Variants in WWOX observed in about 807,000 individuals in gnomAD.
WWOX encodes the protein WW domain-containing oxidoreductase.
Under a neutral mutation model 46.2 loss-of-function variants are expected in WWOX, and 69 were observed. The ratio of observed to expected loss-of-function variants is 1.49; its 90% CI spans 1.23 to 1.82. The LOEUF is 1.82. Among genes scored for constraint, WWOX ranks in the 40% most tolerant of loss-of-function variants. The pLI is 0.00. For missense variants in WWOX, 919 were observed against 542.6 expected (o/e 1.69, Z -6.89); for synonymous variants, 359 against 202.6 (o/e 1.77, Z -6.56).
intron 8 of WWOX, among the ~76,000 whole-genome samples, chr16:78,640,123 G>C (rs1201924235): frequency 6.6e-6 from 1 of 151,604 alleles, no homozygotes; most frequent in East Asian, 1.9e-4. Context: ...AGAAGAAATG[G>C]ATCTTCAGGT....
At chr16:78,730,617 ATTTTTTT>A (rs536906826) in intron 8 of WWOX, among the ~76,000 whole-genome samples, 2 of 123,062 alleles carry the variant, frequency 1.6e-5, no homozygotes, top group Admixed American at 9.5e-5. Flanking sequence ...ACGCCCGGCA[ATTTTTTT>A]TTTTTTTTTT....
At chr16:78,453,098 G>C (rs1328183081) in intron 8 of WWOX, among the ~76,000 whole-genome samples, 10 of 151,950 alleles carry the variant, frequency 6.6e-5, no homozygotes, top group African/African-American at 2.2e-4. Flanking sequence ...CCAGGCTGCA[G>C]CTATTTATAT....
intron 8 of WWOX, among the ~76,000 whole-genome samples, chr16:78,742,027 A>G (rs138962654): frequency 5.1e-4 from 78 of 152,176 alleles, no homozygotes; most frequent in African/African-American, 1.7e-3. Flanking sequence ...TACGATGTCT[A>G]TGTATAGTTT....
intron 5 of WWOX, among the ~76,000 whole-genome samples, chr16:78,328,287 T>A (rs1167958146): frequency 6.6e-6 from 1 of 152,226 alleles, no homozygotes; most frequent in East Asian, 1.9e-4. Flanking sequence ...TTGTTTATAA[T>A]CGTCATTTTT....
intron 8 of WWOX, among the ~76,000 whole-genome samples, chr16:79,144,368 C>T (rs1391626535): frequency 1.3e-5 from 2 of 152,138 alleles, no homozygotes; most frequent in African/African-American, 2.4e-5. Context: ...TTTTGGGGGA[C>T]CCAGGAGTTA....
intron 4 of WWOX, among the ~76,000 whole-genome samples, chr16:78,139,553 G>C (rs113786633): frequency 6.6e-6 from 1 of 152,106 alleles, no homozygotes; most frequent in Non-Finnish European, 1.5e-5. Context: ...GCTGAGGCAG[G>C]AGAATTGCTT....
chr16:78,537,704 C>G (rs1455218410), intron 8 of WWOX, among the ~76,000 whole-genome samples: 1 of 152,090 alleles, frequency 6.6e-6, no homozygotes, highest in Non-Finnish European at 1.5e-5. Flanking sequence ...CCAGCTGCCA[C>G]AGTTCATGTA....
intron 8 of WWOX, among the ~76,000 whole-genome samples, chr16:79,142,760 A>C (rs2050114278): frequency 6.6e-6 from 1 of 152,166 alleles, no homozygotes; most frequent in Non-Finnish European, 1.5e-5. Flanking sequence ...CTGCAGTGGC[A>C]CCATTATGGT....
chr16:79,081,111 C>A (rs2048752553), intron 8 of WWOX, among the ~76,000 whole-genome samples: 1 of 152,042 alleles, frequency 6.6e-6, no homozygotes, highest in African/African-American at 2.4e-5. Flanking sequence ...GTTTCCATCC[C>A]CTGTGTGGAG....
At chr16:79,105,303 A>G (rs979205965) in intron 8 of WWOX, among the ~76,000 whole-genome samples, 7 of 152,222 alleles carry the variant, frequency 4.6e-5, no homozygotes, top group African/African-American at 1.7e-4. Context: ...TAGAAAGGGT[A>G]GAAAATACAG....
At chr16:78,404,637 G>T (rs1748860522) in intron 6 of WWOX, among the ~76,000 whole-genome samples, 1 of 152,058 alleles carries the variant, frequency 6.6e-6, no homozygotes, top group Non-Finnish European at 1.5e-5. Context: ...TTTGTCAGAC[G>T]AACAAATGGG....
chr16:78,188,017 T>G (rs1477637704), intron 5 of WWOX, among the ~76,000 whole-genome samples: 3 of 152,222 alleles, frequency 2.0e-5, no homozygotes, highest in Admixed American at 2.0e-4. Context: ...TTGTAATTCC[T>G]TACTAGAGTT....
At chr16:79,158,437 C>G (rs150162874) in intron 8 of WWOX, among the ~76,000 whole-genome samples, 85 of 152,272 alleles carry the variant, frequency 5.6e-4, no homozygotes, top group African/African-American at 2.0e-3. Context: ...GATGGAATCA[C>G]CCAGCGGATG....
chr16:78,864,337 G>T (rs886342886), intron 8 of WWOX, among the ~76,000 whole-genome samples: 1 of 151,826 alleles, frequency 6.6e-6, no homozygotes, highest in African/African-American at 2.4e-5. Flanking sequence ...TGCAGTCATG[G>T]TTCACTGCAG....
rs1204843285 is a variant in WWOX at position 79,211,093 on chromosome 16, C to G, written c.1057-515C>G. On this transcript the variant is annotated intron_variant, in intron 8 of 8. Transcript: ENST00000566780. Reference sequence around the variant, plus strand: ...TTTAACACAACATTGCCAACCCTTCCCCTAGCAGCACCGTGGGCAAAGCAT... The same window carrying G: ...TTTAACACAACATTGCCAACCCTTCGCCTAGCAGCACCGTGGGCAAAGCAT... 2.0e-5 allele frequency among the ~76,000 whole-genome samples: 3 copies of G among 150,064 alleles called. No individual in the cohort carries two copies. The East Asian group carries it at 5.8e-4, about 29-fold the overall frequency.
intron 8 of WWOX, among the ~76,000 whole-genome samples, chr16:78,874,416 C>T (rs1052219492): frequency 1.3e-5 from 2 of 152,104 alleles, no homozygotes; most frequent in African/African-American, 2.4e-5. Flanking sequence ...TCAAGTCCCG[C>T]TCCCTTGGAA....
intron 8 of WWOX, among the ~76,000 whole-genome samples, chr16:78,645,025 C>T (rs769646518): frequency 5.3e-5 from 8 of 152,136 alleles, no homozygotes; most frequent in African/African-American, 1.7e-4. Flanking sequence ...TTAAATAGTG[C>T]TTTCTTTTCT....
chr16:78,268,458 G>C (rs1314615751), intron 5 of WWOX, among the ~76,000 whole-genome samples: 1 of 152,188 alleles, frequency 6.6e-6, no homozygotes, highest in Non-Finnish European at 1.5e-5. Context: ...TGAAATTGTA[G>C]AGTCACTACC....
chr16:79,042,526 C>G (rs1435000801), intron 8 of WWOX, among the ~76,000 whole-genome samples: 2 of 151,806 alleles, frequency 1.3e-5, no homozygotes, highest in South Asian at 4.2e-4. Flanking sequence ...TCTCAAATTA[C>G]TTACTCAATA....
Sources: allele counts gnomAD v4.1 joint callset (sites outside exome capture counted in the v4.1 genomes callset), GRCh38; gene constraint gnomAD v4.1.1; transcripts MANE v1.5; gene names NCBI Gene and HGNC (gene_info 2026-07-23, HGNC 2026-07-21).